Variants in FAT4 observed in about 807,000 individuals in gnomAD.
FAT4 encodes protocadherin Fat 4.
In FAT4, 84 loss-of-function variants were observed where a neutral mutation model predicts 303.9. The observed-to-expected ratio is 0.28, with a 90% CI of 0.23 to 0.33. The LOEUF (loss-of-function observed/expected upper bound fraction) is 0.33. FAT4 is among the 10% of genes least tolerant of loss of function. FAT4 has a pLI of 1.00. For synonymous variants in FAT4, 2,307 were observed against 2,298.8 expected (o/e 1.00, Z -0.10); for missense variants, 6,005 against 6,146.8 (o/e 0.98, Z 0.77).
In FAT4 at chr4:125,320,467, C is replaced by T; in HGVS notation, c.4056C>T (p.Tyr1352=). The T allele has an allele frequency of 6.2e-7, 1 of 1,614,064 alleles. No homozygotes were observed. Among genetic ancestry groups the T allele is most frequent in the Non-Finnish European group, 8.5e-7 (1 of 1,179,924 alleles). ...SDSGDNADLY[Y]SITGTNNHGT... is the part of the protein sequence containing the mutation. Reference sequence around the variant, plus strand: ...CAGGTGACAATGCTGATTTATATTACAGTATTACTGGGACTAACAACCACG... The same window carrying T: ...CAGGTGACAATGCTGATTTATATTATAGTATTACTGGGACTAACAACCACG... The change falls in exon 2 of 18, where the codon TAC becomes TAT. Residue 1352 remains tyrosine, a synonymous_variant. Coordinates refer to ENST00000394329, the MANE Select transcript of FAT4 (RefSeq NM_001291303.3).
At position 125,367,598 on chromosome 4, in the gene FAT4, G is replaced by T. The variant is rs1732932943; in HGVS notation, c.5176-31186G>T. On this transcript the variant is annotated intron_variant, in intron 2 of 17. Coordinates refer to ENST00000394329, the MANE Select transcript of FAT4 (RefSeq NM_001291303.3). ...ACATAGTTTAAATAGCAGGTTGGGG[G>T]AAAAAATAACATACTCTGTAACTAG... is the stretch of plus-strand genomic sequence containing the variant. 2.0e-5 allele frequency among the ~76,000 whole-genome samples: 3 copies of T among 151,982 alleles called. No homozygotes were observed. The South Asian group carries it at 6.2e-4, about 32-fold the overall frequency.
At chr4:125,470,826 A>G (rs2126078173) in intron 12 of FAT4, among the ~76,000 whole-genome samples, 1 of 152,326 alleles carries the variant, frequency 6.6e-6, no homozygotes, top group South Asian at 2.1e-4. Context: ...CTGGAGTAGC[A>G]CCTTTAATTT....
intron 2 of FAT4, among the ~76,000 whole-genome samples, chr4:125,348,903 A>G (rs763352471): frequency 1.3e-5 from 2 of 151,828 alleles, no homozygotes; most frequent in Non-Finnish European, 2.9e-5. Context: ...AGAGTTCTCT[A>G]TAGTTAATTT....
chr4:125,448,770 T>A lies in FAT4; in HGVS notation c.7760T>A (p.Leu2587His), dbSNP rs762155242. The change falls in exon 10 of 18, where the codon CTT becomes CAT. Residue 2587 changes from leucine to histidine, a missense_variant. Leu to His is a moderately conservative substitution (Grantham distance 99, BLOSUM62 -3). Transcript: ENST00000394329. ...MFPENQPVSS[L>H]VTTITGSSLR... ...CCTGAAAACCAACCAGTCAGCTCTC[T>A]TGTCACCACCATCACAGGATCCTCT... 2.5e-6 allele frequency: 4 copies of A among 1,612,226 alleles called. No individual in the cohort carries two copies. In the South Asian group the frequency reaches 4.4e-5, roughly 18 times the overall value.
rs1446279494 is a variant in FAT4 at position 125,317,440 on chromosome 4, G to T, written c.1029G>T (p.Leu343=). 2 of 1,613,530 alleles carry T rather than the reference G, an allele frequency of 1.2e-6. No homozygotes were observed. The highest frequency in any genetic ancestry group is 1.7e-6 in the Non-Finnish European group (2 of 1,180,058). The stretch of plus-strand genomic sequence containing the variant: ...GGCGCGCCGAGGCGCTGATTCAGCT[G>T]CTGGACGTGAATGACAATGACCCGG... ...LTGRAEALIQ[L]LDVNDNDPVV... is the part of the protein sequence containing the mutation. The change falls in exon 2 of 18, where the codon CTG becomes CTT. Residue 343 remains leucine (L), a synonymous_variant. Transcript: ENST00000394329. The surrounding 1 kb of genome is among the most constrained non-coding windows in gnomAD (Gnocchi z 7.0).
At chr4:125,489,663 T>C (rs1028693782) in intron 17 of FAT4, among the ~76,000 whole-genome samples, 1 of 152,024 alleles carries the variant, frequency 6.6e-6, no homozygotes, top group Admixed American at 6.6e-5. Flanking sequence ...TGAGTGGGAT[T>C]CAAGCAATCT....
chr4:125,362,358 C>T (rs1732708423), intron 2 of FAT4, among the ~76,000 whole-genome samples: 3 of 152,150 alleles, frequency 2.0e-5, no homozygotes, highest in African/African-American at 7.2e-5. Context: ...TTCTGAGAAC[C>T]TAGCCGGACA....
Position 125,334,668 on chromosome 4 carries a change from A to G in FAT4, c.5175+13082A>G, listed in dbSNP as rs545473286. Among the ~76,000 whole-genome samples the G allele has an allele frequency of 1.6e-4, 24 of 152,294 alleles. 1 individual carries two copies. Among genetic ancestry groups the G allele is most frequent in the African/African-American group, 4.8e-4 (20 of 41,558 alleles). On this transcript the variant is annotated intron_variant, in intron 2 of 17. Coordinates refer to ENST00000394329, the MANE Select transcript of FAT4 (RefSeq NM_001291303.3). ...ATATATTACTTTAATACCAAAACCA[A>G]TTGTGATTATGTCTATCTAATGGCA...
chr4:125,408,517 T>G lies in FAT4; in HGVS notation c.5643T>G (p.Asn1881Lys). 6.2e-7 allele frequency: 1 copy of G among 1,613,356 alleles called. No individual in the cohort carries two copies. Among genetic ancestry groups the G allele is most frequent in the Non-Finnish European group, 8.5e-7 (1 of 1,179,588 alleles). ...ATGGAGAAATTACATATATTGTGAA[T>G]GAAGATGATGAAGATGGCATCTTTT... Reference protein sequence around the residue: ...GVNGEITYIVNEDDEDGIFFL... With the variant: ...GVNGEITYIVKEDDEDGIFFL... Residue 1881 changes from asparagine to lysine, a missense_variant, in exon 5 of 18, where the codon AAT becomes AAG. Coordinates refer to ENST00000394329, the MANE Select transcript of FAT4 (RefSeq NM_001291303.3).
chr4:125,373,136 T>C (rs1733187803), intron 2 of FAT4, among the ~76,000 whole-genome samples: 3 of 152,148 alleles, frequency 2.0e-5, no homozygotes, highest in Non-Finnish European at 4.4e-5. Flanking sequence ...TTTCTTTCTA[T>C]AAAATTACAA....
chr4:125,366,908 A>G (rs2125988887), intron 2 of FAT4, among the ~76,000 whole-genome samples: 1 of 152,032 alleles, frequency 6.6e-6, no homozygotes, highest in South Asian at 2.1e-4. Flanking sequence ...TTTTTTGAAA[A>G]GTGTCTGTTC....
At chr4:125,446,960 TGTTTGTCA>T (rs1560612710) in intron 9 of FAT4, among the ~76,000 whole-genome samples, 1 of 152,064 alleles carries the variant, frequency 6.6e-6, no homozygotes, top group East Asian at 1.9e-4. Context: ...CATTCAACTA[TGTTTGTCA>T]GTGGAAAATG....
intron 12 of FAT4, among the ~76,000 whole-genome samples, chr4:125,473,598 A>G (rs1726932195): frequency 6.6e-6 from 1 of 151,994 alleles, no homozygotes; most frequent in Non-Finnish European, 1.5e-5. Flanking sequence ...ACTGATGAGT[A>G]ATAGTAGACA....
intron 2 of FAT4, among the ~76,000 whole-genome samples, chr4:125,345,620 A>G (rs908082631): frequency 6.6e-6 from 1 of 152,138 alleles, no homozygotes. Context: ...TCTGGCATGT[A>G]TTATTTATGC....
At chr4:125,398,673 G>C in intron 2 of FAT4, 111 bp from the exon 3 acceptor site, 1 of 1,038,420 alleles carries the variant, frequency 9.6e-7, no homozygotes, top group Non-Finnish European at 1.4e-6. Context: ...AGATGCAAAG[G>C]TTCCAATTCA....
At chr4:125,457,874 A>C (rs62315662) in intron 10 of FAT4, among the ~76,000 whole-genome samples, 1 of 152,144 alleles carries the variant, frequency 6.6e-6, no homozygotes, top group South Asian at 2.1e-4. Context: ...TGTAGTATTT[A>C]TTTTCATATA....
At chr4:125,322,652 G>A (rs1730999994) in intron 2 of FAT4, among the ~76,000 whole-genome samples, 1 of 152,036 alleles carries the variant, frequency 6.6e-6, no homozygotes, top group African/African-American at 2.4e-5. Flanking sequence ...TGAGGCTCAT[G>A]TGCTTGTTTT....
chr4:125,452,218 A>G lies in FAT4; in HGVS notation c.11208A>G (p.Leu3736=). The part of the protein sequence containing the change: ...DFLTNHYLHF[L]RIASSQLTGL... ...TGACCAACCACTATCTTCATTTTTT[A>G]CGCATTGCCAGCTCACAGCTGACAG... The change falls in exon 10 of 18, where the codon TTA becomes TTG. Residue 3736 remains leucine, a synonymous_variant. Transcript: ENST00000394329. 2 of 1,614,190 alleles carry G rather than the reference A, an allele frequency of 1.2e-6. No homozygotes were observed. The highest frequency in any genetic ancestry group is 2.7e-5 in the African/African-American group (2 of 75,058).
intron 12 of FAT4, among the ~76,000 whole-genome samples, chr4:125,470,471 G>T (rs1726818651): frequency 6.6e-6 from 1 of 152,144 alleles, no homozygotes; most frequent in South Asian, 2.1e-4. Flanking sequence ...TTGAAAGTCT[G>T]TTCTTTAGTG....
Sources: gnomAD v4.1 joint callset for allele counts (sites outside exome capture counted in the v4.1 genomes callset) on GRCh38, gnomAD v4.1.1 for gene constraint, Gnocchi (gnomAD v3.1) non-coding constraint, MANE v1.5 for transcripts, NCBI Gene and HGNC (gene_info 2026-07-23, HGNC 2026-07-21) for gene names.